Variants in PAMR1 observed in about 807,000 individuals in gnomAD.
PAMR1 encodes the protein inactive serine protease PAMR1.
A neutral mutation model predicts 81.8 loss-of-function variants in PAMR1; 88 were observed. The ratio of observed to expected loss-of-function variants is 1.08; its 90% confidence interval spans 0.91 to 1.28. PAMR1 has a LOEUF of 1.28. PAMR1 is among the 50% of genes most tolerant of loss of function. The pLI is 0.00. For missense variants in PAMR1, 935 were observed against 919.7 expected (o/e 1.02, Z -0.21); for synonymous variants, 336 against 345.3 (o/e 0.97, Z 0.30).
intron 1 of PAMR1, among the ~76,000 whole-genome samples, chr11:35,505,168 T>C (rs191365581): frequency 4.0e-3 from 602 of 152,314 alleles, no homozygotes; most frequent in Non-Finnish European, 6.5e-3. Flanking sequence ...TTTCCAAGGT[T>C]CCTCTTGTTA....
At chr11:35,458,903 A>G (rs1856591632) in intron 6 of PAMR1, among the ~76,000 whole-genome samples, 1 of 152,114 alleles carries the variant, frequency 6.6e-6, no homozygotes, top group Non-Finnish European at 1.5e-5. Flanking sequence ...CTCTGGACCA[A>G]ACCAAATATT....
chr11:35,526,366 G>A (rs1851390180), upstream of PAMR1, among the ~76,000 whole-genome samples: 1 of 152,204 alleles, frequency 6.6e-6, no homozygotes, highest in Non-Finnish European at 1.5e-5. Context: ...GCACACGCCA[G>A]GCAGGGATGG....
intron 1 of PAMR1, among the ~76,000 whole-genome samples, chr11:35,500,059 G>C (rs879078409): frequency 8.5e-5 from 13 of 152,222 alleles, no homozygotes; most frequent in Non-Finnish European, 1.9e-4. Flanking sequence ...AGTCTGAAAA[G>C]GCAAATAAAC....
At chr11:35,499,347 G>GT (rs1850787614) in intron 1 of PAMR1, among the ~76,000 whole-genome samples, 1 of 152,120 alleles carries the variant, frequency 6.6e-6, no homozygotes, top group Non-Finnish European at 1.5e-5. Flanking sequence ...ATATGCCCAT[G>GT]GGGTGTGGCT....
At chr11:35,439,716 T>G (rs1292118912) in intron 7 of PAMR1, 23 bp from the exon 8 acceptor site, 3 of 1,591,720 alleles carry the variant, frequency 1.9e-6, no homozygotes. Context: ...AAGACAATGC[T>G]GCATGATCCT....
chr11:35,436,012 G>A lies in PAMR1; in HGVS notation c.1224C>T (p.Thr408=), dbSNP rs1212738980. The change falls in exon 9 of 11, where the codon ACC becomes ACT. Residue 408 remains threonine, a synonymous_variant. Transcript: ENST00000619888. ...DLPMGYQHLH[T]QLQYECISPF... ...GTGAGATGCACTCATACTGGAGCTG[G>A]GTATGCAGATGTTGGTATCCCATGG... 3 of 1,613,990 alleles carry A rather than the reference G, an allele frequency of 1.9e-6. No homozygotes were observed. The highest frequency in any genetic ancestry group is 2.5e-6 in the Non-Finnish European group (3 of 1,180,000).
chr11:35,490,222 G>A (rs1450594752), intron 3 of PAMR1, among the ~76,000 whole-genome samples: 1 of 152,132 alleles, frequency 6.6e-6, no homozygotes, highest in Non-Finnish European at 1.5e-5. Flanking sequence ...TCTCCACCTT[G>A]CCCCACCCTT....
chr11:35,514,945 C>G (rs969242480), intron 1 of PAMR1, among the ~76,000 whole-genome samples: 3 of 152,212 alleles, frequency 2.0e-5, no homozygotes, highest in Non-Finnish European at 4.4e-5. Flanking sequence ...GTCAAGACTG[C>G]AGCAAACCAT....
intron 3 of PAMR1, among the ~76,000 whole-genome samples, chr11:35,487,571 C>A (rs1850534291): frequency 6.6e-6 from 1 of 152,224 alleles, no homozygotes; most frequent in African/African-American, 2.4e-5. Flanking sequence ...GGTCCTCCGT[C>A]TCGCTTGGAT....
intron 1 of PAMR1, among the ~76,000 whole-genome samples, chr11:35,522,274 T>C (rs1259286737): frequency 1.3e-5 from 2 of 152,194 alleles, no homozygotes. Flanking sequence ...CATACTATTG[T>C]GCAACCATCA....
chr11:35,490,235 C>T (rs892888624), intron 3 of PAMR1, among the ~76,000 whole-genome samples: 1 of 152,174 alleles, frequency 6.6e-6, no homozygotes, highest in Non-Finnish European at 1.5e-5. Flanking sequence ...CCACCCTTGA[C>T]ACATGGAGAT....
Position 35,515,302 on chromosome 11 carries a change from C to A in PAMR1, c.73+10211G>T, listed in dbSNP as rs942975647. ...GTTACTGTCCTCCTATCCAGATTCC[C>A]CTATGTGAAGCAGAAGCCAGATTTT... is the stretch of plus-strand genomic sequence containing the variant. On this transcript the variant is annotated intron_variant, in intron 1 of 10. Coordinates refer to ENST00000619888, the MANE Select transcript of PAMR1 (RefSeq NM_001001991.3). Among the ~76,000 whole-genome samples the A allele has an allele frequency of 2.0e-5, 3 of 152,152 alleles. No individual in the cohort carries two copies. The South Asian group carries it at 6.2e-4, about 32-fold the overall frequency.
intron 1 of PAMR1, among the ~76,000 whole-genome samples, chr11:35,496,715 A>C (rs1850732622): frequency 6.6e-6 from 1 of 152,254 alleles, no homozygotes; most frequent in African/African-American, 2.4e-5. Context: ...AGTTCCTCTT[A>C]AAGCTAAACA....
At chr11:35,453,907 C>T (rs546061855) in intron 6 of PAMR1, among the ~76,000 whole-genome samples, 2 of 152,320 alleles carry the variant, frequency 1.3e-5, no homozygotes, top group African/African-American at 4.8e-5. Context: ...AGGACTCATC[C>T]TGGAGACAGA....
chr11:35,434,424 G>T (rs914238868), intron 10 of PAMR1, 88 bp downstream of exon 10: 1 of 1,322,078 alleles, frequency 7.6e-7, no homozygotes. Flanking sequence ...CATGCTAAGG[G>T]GACAGAGCTT....
chr11:35,528,100 G>C (rs1851419628), upstream of PAMR1, among the ~76,000 whole-genome samples: 1 of 152,014 alleles, frequency 6.6e-6, no homozygotes, highest in South Asian at 2.1e-4. Context: ...GGCTCTAAGT[G>C]ATGAACCTGA....
intron 6 of PAMR1, among the ~76,000 whole-genome samples, chr11:35,459,024 C>G (rs1264736762): frequency 2.0e-5 from 3 of 152,218 alleles, no homozygotes; most frequent in Non-Finnish European, 4.4e-5. Context: ...TTCTTCCCCC[C>G]TGATGTTTTC....
chr11:35,503,332 T>C (rs1850890601), intron 1 of PAMR1, among the ~76,000 whole-genome samples: 2 of 152,006 alleles, frequency 1.3e-5, no homozygotes, highest in Admixed American at 6.6e-5. Context: ...TTCAGAATCA[T>C]TTGTGATTCC....
intron 6 of PAMR1, among the ~76,000 whole-genome samples, chr11:35,443,704 T>A (rs1477400988): frequency 6.6e-6 from 1 of 152,226 alleles, no homozygotes; most frequent in African/African-American, 2.4e-5. Flanking sequence ...AGATTTATAT[T>A]CCTTTGGGTA....
Sources: gnomAD v4.1 joint callset for allele counts (sites outside exome capture counted in the v4.1 genomes callset) on GRCh38, gnomAD v4.1.1 for gene constraint, MANE v1.5 for transcripts, NCBI Gene and HGNC (gene_info 2026-07-23, HGNC 2026-07-21) for gene names.